LUZP1: variants seen among roughly 807,000 people sequenced by gnomAD.
The protein encoded by LUZP1 is leucine zipper protein 1.
A neutral mutation model predicts 71.3 loss-of-function variants in LUZP1; 25 were observed. That is an observed-to-expected ratio of 0.35 (90% CI 0.26 to 0.49). LUZP1 has a LOEUF of 0.49. LUZP1 is among the 20% of genes least tolerant of loss of function. The pLI is 0.99. For missense variants in LUZP1, 1,142 were observed against 1,300.8 expected (o/e 0.88, Z 1.88); for synonymous variants, 481 against 506.4 (o/e 0.95, Z 0.67).
At chr1:23,119,595 T>A (rs1232726345) in intron 2 of LUZP1, among the ~76,000 whole-genome samples, 1 of 152,112 alleles carries the variant, frequency 6.6e-6, no homozygotes, top group Non-Finnish European at 1.5e-5. Context: ...AAACCCTAGG[T>A]TTATCTCTAG....
intron 3 of LUZP1, among the ~76,000 whole-genome samples, chr1:23,098,107 G>C (rs1369732513): frequency 6.6e-6 from 1 of 152,188 alleles, no homozygotes; most frequent in Non-Finnish European, 1.5e-5. Flanking sequence ...GTCTTGTTCA[G>C]CTGGCTGAAC....
chr1:23,174,831 T>C (rs1644573415), intron 1 of LUZP1, among the ~76,000 whole-genome samples: 1 of 152,132 alleles, frequency 6.6e-6, no homozygotes, highest in South Asian at 2.1e-4. Flanking sequence ...AGGAATAAAA[T>C]AGCCCTCAAT....
In LUZP1 at chr1:23,154,877, G is replaced by A. The variant is rs1442033661; in HGVS notation, c.-226+13889C>T. On this transcript the variant is annotated intron_variant, in intron 2 of 4. Coordinates refer to ENST00000302291, the Ensembl canonical transcript of LUZP1. ...CCCTCTAAGTTACCTTATTATTTCC[G>A]TATTAATTCTCCCTGCTCCATTAAC... Among the ~76,000 whole-genome samples the A allele has an allele frequency of 6.6e-5, 10 of 151,636 alleles. No homozygotes were observed. The East Asian group carries it at 1.4e-3, about 21-fold the overall frequency.
chr1:23,093,901 C>G lies in LUZP1; in HGVS notation c.361G>C (p.Glu121Gln), dbSNP rs766568101. 3.8e-5 allele frequency: 62 copies of G among 1,614,070 alleles called. No individual in the cohort carries two copies. Among genetic ancestry groups the G allele is most frequent in the Admixed American group, 8.3e-5 (5 of 60,002 alleles). The change falls in exon 4 of 5, where the codon GAG becomes CAG. Residue 121 changes from glutamate (E) to glutamine (Q), a missense_variant. Physicochemically the swap from Glu to Gln is conservative, Grantham distance 29. Transcript: ENST00000302291. The surrounding 1 kb of genome is among the most constrained non-coding windows in gnomAD (Gnocchi z 4.2). The stretch of plus-strand genomic sequence containing the variant: ...CTGCTGAAGGCCTCTTCTAGCTTCT[C>G]TAATTCAGCCATTCGTTTCTGAAGC...
intron 2 of LUZP1, among the ~76,000 whole-genome samples, chr1:23,117,916 C>G (rs1644098713): frequency 6.6e-6 from 1 of 151,884 alleles, no homozygotes; most frequent in African/African-American, 2.4e-5. Flanking sequence ...ATGGTGAAAC[C>G]CTGTCTCTAC....
At chr1:23,111,895 ATC>A (rs1644037558) in intron 2 of LUZP1, among the ~76,000 whole-genome samples, 1 of 152,062 alleles carries the variant, frequency 6.6e-6, no homozygotes, top group Non-Finnish European at 1.5e-5. Context: ...GGTCACATAA[ATC>A]TGGTCTATCT....
intron 2 of LUZP1, among the ~76,000 whole-genome samples, chr1:23,163,230 ACT>A (rs1227818165): frequency 7.7e-6 from 1 of 129,058 alleles, no homozygotes; most frequent in Admixed American, 8.5e-5. Flanking sequence ...ACAGGGTGAG[ACT>A]CTCTCAAAAA....
intron 2 of LUZP1, among the ~76,000 whole-genome samples, chr1:23,152,451 T>C (rs973470364): frequency 2.6e-5 from 4 of 152,180 alleles, no homozygotes; most frequent in Non-Finnish European, 5.9e-5. Flanking sequence ...ACAGAGAATT[T>C]GAGGGCAAAA....
At chr1:23,108,492 AG>A (rs1644001789) in intron 3 of LUZP1, among the ~76,000 whole-genome samples, 1 of 152,084 alleles carries the variant, frequency 6.6e-6, no homozygotes, top group Admixed American at 6.5e-5. Context: ...CCCAGTTACT[AG>A]GGAGGCTGAG....
At chr1:23,086,903 TC>T (rs1241362462) in exon 5 of LUZP1, 2 of 152,392 alleles carry the variant, frequency 1.3e-5, no homozygotes, top group Admixed American at 6.5e-5. Context: ...TAGATTCCTG[TC>T]CCTGAAAGTA....
At chr1:23,169,161 C>T (rs991152848) in intron 1 of LUZP1, 1 of 152,232 alleles carries the variant, frequency 6.6e-6, no homozygotes, top group South Asian at 2.1e-4. Context: ...AAGTTCGAGA[C>T]CAGCCTGGGC....
chr1:23,136,596 G>C (rs548899325), intron 2 of LUZP1, among the ~76,000 whole-genome samples: 74 of 151,826 alleles, frequency 4.9e-4, no homozygotes, highest in African/African-American at 1.7e-3. Flanking sequence ...CTCTCTGGCC[G>C]CGACAATGAC....
At chr1:23,091,099 G>T in intron 4 of LUZP1, 91 bp downstream of exon 3, 1 of 1,317,502 alleles carries the variant, frequency 7.6e-7, no homozygotes, top group Non-Finnish European at 1.0e-6. Context: ...AAGATCCTGG[G>T]TCACACAGGC....
At chr1:23,130,661 G>A (rs1357873982) in intron 2 of LUZP1, among the ~76,000 whole-genome samples, 1 of 151,244 alleles carries the variant, frequency 6.6e-6, no homozygotes, top group Non-Finnish European at 1.5e-5. Flanking sequence ...ACCATGCTCA[G>A]TCCCCAAATT....
chr1:23,092,928 G>A (rs375185428), exon 4 of LUZP1: 1 of 1,614,002 alleles, frequency 6.2e-7, no homozygotes. Flanking sequence ...TGTCTCCTGA[G>A]TCCCACTGTC....
intron 2 of LUZP1, among the ~76,000 whole-genome samples, chr1:23,121,106 A>G (rs962008425): frequency 2.6e-5 from 4 of 152,250 alleles, no homozygotes; most frequent in Non-Finnish European, 4.4e-5. Flanking sequence ...CTGCTGGCTT[A>G]TATCTTTATA....
At chr1:23,089,006 G>A in exon 5 of LUZP1, 1 of 1,614,154 alleles carries the variant, frequency 6.2e-7, no homozygotes, top group South Asian at 1.1e-5. Flanking sequence ...CCAGGGAGTT[G>A]TGCAGTTGCC....
intron 2 of LUZP1, among the ~76,000 whole-genome samples, chr1:23,126,301 TG>T (rs1312172366): frequency 6.6e-6 from 1 of 152,174 alleles, no homozygotes; most frequent in African/African-American, 2.4e-5. Flanking sequence ...CACACTATGT[TG>T]GCTCCTATTT....
intron 3 of LUZP1, among the ~76,000 whole-genome samples, chr1:23,108,022 T>A (rs1270133533): frequency 6.6e-6 from 1 of 152,172 alleles, no homozygotes; most frequent in African/African-American, 2.4e-5. Context: ...TCTACTTTCC[T>A]AGGGAAGCTT....
Sources: gnomAD v4.1 joint callset for allele counts (sites outside exome capture counted in the v4.1 genomes callset) on GRCh38, gnomAD v4.1.1 for gene constraint, Gnocchi (gnomAD v3.1) non-coding constraint, MANE v1.5 for transcripts, NCBI Gene and HGNC (gene_info 2026-07-23, HGNC 2026-07-21) for gene names.